Variants in GLT1D1 observed in about 807,000 individuals in gnomAD.
GLT1D1 encodes glycosyltransferase 1 domain-containing protein 1.
Under a neutral mutation model 28.7 loss-of-function variants are expected in GLT1D1, and 21 were observed. The observed-to-expected ratio is 0.73, with a 90% confidence interval of 0.52 to 1.05. The LOEUF is 1.05. GLT1D1 is among the 50% of genes least tolerant of loss of function. GLT1D1 has a pLI of 0.00. For missense variants in GLT1D1, 343 were observed against 330.6 expected, an observed-to-expected ratio of 1.04 and a Z score of -0.29; for synonymous variants, 147 against 124.8, an observed-to-expected ratio of 1.18 and a Z score of -1.19.
At chr12:128,981,907 G>A (rs1446922678) in intron 7 of GLT1D1, among the ~76,000 whole-genome samples, 2 of 152,212 alleles carry the variant, frequency 1.3e-5, no homozygotes, top group Non-Finnish European at 2.9e-5. Flanking sequence ...AGGGTAGGGT[G>A]TGGATTTAAA....
chr12:128,956,702 C>A (rs1877347650), intron 6 of GLT1D1, among the ~76,000 whole-genome samples: 1 of 152,200 alleles, frequency 6.6e-6, no homozygotes, highest in African/African-American at 2.4e-5. Flanking sequence ...CCCTTTTCTT[C>A]CTCCTACTTT....
At chr12:128,969,649 C>T (rs1031731196) in intron 7 of GLT1D1, among the ~76,000 whole-genome samples, 2 of 152,310 alleles carry the variant, frequency 1.3e-5, no homozygotes, top group African/African-American at 4.8e-5. Flanking sequence ...TCCTCCTGGC[C>T]GCCTCACTCC....
intron 7 of GLT1D1, among the ~76,000 whole-genome samples, chr12:128,965,267 G>A (rs1404316235): frequency 2.0e-5 from 3 of 152,214 alleles, no homozygotes; most frequent in Admixed American, 6.5e-5. Context: ...CACATGGCAA[G>A]GAACTTTGGG....
chr12:128,907,212 G>A (rs1374398947), intron 4 of GLT1D1, among the ~76,000 whole-genome samples: 1 of 151,982 alleles, frequency 6.6e-6, no homozygotes, highest in Non-Finnish European at 1.5e-5. Context: ...TGAACACGTG[G>A]GTTTCACCTC....
At chr12:128,945,250 G>T in intron 4 of GLT1D1, 76 bp from the exon 9 acceptor site, 1 of 1,468,362 alleles carries the variant, frequency 6.8e-7, no homozygotes, top group Non-Finnish European at 9.5e-7. Context: ...CAGGGCTTTG[G>T]CCTGGCCCGT....
intron 3 of GLT1D1, among the ~76,000 whole-genome samples, chr12:128,894,172 G>C (rs1299739848): frequency 6.6e-6 from 1 of 152,132 alleles, no homozygotes; most frequent in Non-Finnish European, 1.5e-5. Context: ...GATTATGAAA[G>C]TGGGCCTTGG....
chr12:128,972,869 G>A (rs1352719500), intron 7 of GLT1D1, among the ~76,000 whole-genome samples: 1 of 152,190 alleles, frequency 6.6e-6, no homozygotes, highest in Non-Finnish European at 1.5e-5. Flanking sequence ...GTGCAATGAT[G>A]AAATCGAGCT....
chr12:128,910,951 G>T (rs1263274995), intron 4 of GLT1D1, among the ~76,000 whole-genome samples: 5 of 151,924 alleles, frequency 3.3e-5, no homozygotes, highest in Admixed American at 3.3e-4. Context: ...TATTTTTCAG[G>T]CAGAGTCTCA....
At chr12:128,981,258 C>T (rs1880294365) in intron 7 of GLT1D1, among the ~76,000 whole-genome samples, 1 of 152,152 alleles carries the variant, frequency 6.6e-6, no homozygotes, top group South Asian at 2.1e-4. Flanking sequence ...TGTTTTATCA[C>T]AATCTGTTCC....
intron 4 of GLT1D1, among the ~76,000 whole-genome samples, chr12:128,927,450 G>T (rs1250829964): frequency 6.6e-6 from 1 of 151,316 alleles, no homozygotes; most frequent in Non-Finnish European, 1.5e-5. Context: ...GTGTTAGCCA[G>T]GATGGTCTCC....
intron 7 of GLT1D1, among the ~76,000 whole-genome samples, chr12:128,975,590 A>G (rs1879694342): frequency 6.6e-6 from 1 of 152,114 alleles, no homozygotes; most frequent in Non-Finnish European, 1.5e-5. Context: ...AGCTGGGACT[A>G]CAGGCGCGTG....
At position 128,888,727 on chromosome 12, in the gene GLT1D1, A is replaced by G. The variant is rs1201722599; in HGVS notation, c.306A>G (p.Arg102=). 4.3e-6 allele frequency: 7 copies of G among 1,609,398 alleles called. No homozygotes were observed. In the African/African-American group the frequency reaches 8.0e-5, roughly 18 times the overall value. ...CGGAAAAAAACACAGTCATGGGCAGAGTTCTTGAGGAAGCCAGGTAATACC... is the reference window on the plus strand; with the variant it reads ...CGGAAAAAAACACAGTCATGGGCAGGGTTCTTGAGGAAGCCAGGTAATACC... The change falls in exon 3 of 8, where the codon AGA becomes AGG. Residue 102 remains arginine, a synonymous_variant. Coordinates refer to ENST00000281703, the MANE Select transcript of GLT1D1 (RefSeq NM_144669.3).
At chr12:128,941,980 A>G (rs969218439) in intron 4 of GLT1D1, among the ~76,000 whole-genome samples, 2 of 125,906 alleles carry the variant, frequency 1.6e-5, no homozygotes, top group Non-Finnish European at 3.3e-5. Flanking sequence ...ACCATTTCCT[A>G]CTTATTTTTT....
chr12:128,898,504 G>A (rs1869898850), intron 3 of GLT1D1, among the ~76,000 whole-genome samples: 1 of 152,230 alleles, frequency 6.6e-6, no homozygotes, highest in African/African-American at 2.4e-5. Flanking sequence ...TTTTCTGATT[G>A]TTTGTCACCC....
At chr12:128,865,544 C>T (rs1312477488) in intron 1 of GLT1D1, among the ~76,000 whole-genome samples, 2 of 152,120 alleles carry the variant, frequency 1.3e-5, no homozygotes, top group South Asian at 2.1e-4. Context: ...CAACACAGGC[C>T]GGGCCCGGTG....
intron 6 of GLT1D1, among the ~76,000 whole-genome samples, chr12:128,950,612 C>G (rs535648430): frequency 2.0e-5 from 3 of 152,216 alleles, no homozygotes; most frequent in Admixed American, 6.5e-5. Flanking sequence ...TGGTGCCCCC[C>G]CCTCACAGAT....
At chr12:128,921,675 C>CACACA (rs1872668547) in intron 4 of GLT1D1, among the ~76,000 whole-genome samples, 2 of 151,966 alleles carry the variant, frequency 1.3e-5, no homozygotes, top group African/African-American at 2.4e-5. Flanking sequence ...AGTTGGAGGG[C>CACACA]CACTTTTTTA....
At chr12:128,910,273 T>G (rs939285810) in intron 4 of GLT1D1, among the ~76,000 whole-genome samples, 5 of 151,628 alleles carry the variant, frequency 3.3e-5, no homozygotes, top group Non-Finnish European at 5.9e-5. Context: ...TCTTTTTTTT[T>G]TTTTTTTTTT....
chr12:128,883,559 T>C (rs1490848671), intron 2 of GLT1D1, among the ~76,000 whole-genome samples: 1 of 139,036 alleles, frequency 7.2e-6, no homozygotes, highest in East Asian at 2.1e-4. Context: ...CACTGCACTC[T>C]AGCCTGGGCG....
Sources: gnomAD v4.1 joint callset for allele counts (sites outside exome capture counted in the v4.1 genomes callset) on GRCh38, gnomAD v4.1.1 for gene constraint, MANE v1.5 for transcripts, NCBI Gene and HGNC (gene_info 2026-07-23, HGNC 2026-07-21) for gene names.